Variants in ENPP2 observed in about 807,000 individuals in gnomAD.
The protein encoded by ENPP2 is ectonucleotide pyrophosphatase/phosphodiesterase 2, also known as autotaxin.
ENPP2 carries 51 observed loss-of-function variants against 120.2 expected under a neutral mutation model. The observed-to-expected ratio is 0.42, with a 90% CI of 0.34 to 0.54. The LOEUF is 0.54. ENPP2 is among the 20% of genes least tolerant of loss of function. The probability of loss-of-function intolerance (pLI) is 0.04; values close to 1 mark genes in which losing one functional copy is unlikely to be tolerated. For synonymous variants in ENPP2, 365 were observed against 366.4 expected (o/e 1.00, Z 0.04); for missense variants, 920 against 1,066.5 (o/e 0.86, Z 1.91).
intron 1 of ENPP2, among the ~76,000 whole-genome samples, chr8:119,644,587 AATATATATATATATAT>A (rs33966650): frequency 1.3e-4 from 8 of 59,982 alleles, no homozygotes; most frequent in Non-Finnish European, 1.6e-4. Flanking sequence ...AGATTACTAA[AATATATATATATATAT>A]ATATATATAT....
At chr8:119,562,792 T>C in intron 24 of ENPP2, 65 bp downstream of exon 24, 1 of 1,449,116 alleles carries the variant, frequency 6.9e-7, no homozygotes, top group South Asian at 1.2e-5. Flanking sequence ...ATGATGGAAA[T>C]ATAAAGTAAG....
intron 8 of ENPP2, among the ~76,000 whole-genome samples, chr8:119,615,225 T>C (rs1259262873): frequency 1.3e-5 from 2 of 152,088 alleles, no homozygotes; most frequent in Non-Finnish European, 2.9e-5. Context: ...CACAAAGTTC[T>C]CCCAGCCCTC....
rs144558263 is a variant in ENPP2 at position 119,601,949 on chromosome 8, GAGACA to G, written c.834-492_834-488del. On this transcript the variant is annotated intron_variant, in intron 9 of 24. Transcript: ENST00000075322. ...TACAGCTTGGTTGTAAGGATGAAATGAGACAAGACAAGGAAAGGGCATGTCCAGTG... is the reference window on the plus strand; with the variant it reads ...TACAGCTTGGTTGTAAGGATGAAATGAGACAAGGAAAGGGCATGTCCAGTG... 3.2e-4 allele frequency among the ~76,000 whole-genome samples: 48 copies of G among 152,326 alleles called. No individual in the cohort carries two copies. In the East Asian group the frequency reaches 9.1e-3, roughly 29 times the overall value.
chr8:119,563,546 G>A (rs1024145583), intron 23 of ENPP2, among the ~76,000 whole-genome samples: 3 of 152,158 alleles, frequency 2.0e-5, no homozygotes, highest in African/African-American at 7.2e-5. Flanking sequence ...ACAATGAGAT[G>A]CAGAACTTGA....
chr8:119,652,376 C>A (rs1817651693), intron 1 of ENPP2, among the ~76,000 whole-genome samples: 1 of 152,184 alleles, frequency 6.6e-6, no homozygotes, highest in Non-Finnish European at 1.5e-5. Flanking sequence ...AGGAAGTCAG[C>A]AGTTTGTTAA....
Position 119,569,341 on chromosome 8 carries a change from C to G in ENPP2, c.1947G>C (p.Leu649=), listed in dbSNP as rs747361874. The G allele has an allele frequency of 1.9e-6, 3 of 1,614,050 alleles. No individual in the cohort carries two copies. The highest frequency in any genetic ancestry group is 2.5e-6 in the Non-Finnish European group (3 of 1,180,028). Residue 649 remains leucine, a synonymous_variant, in exon 21 of 25, where the codon CTG becomes CTC. Transcript: ENST00000075322. ...QAEVSSVPDH[L]TSCVRPDVRV... is the part of the protein sequence containing the mutation. ...GGACATCAGGCCGGACGCAACTGGT[C>G]AGATGGTCAGGAACGCTGGAAACCT...
intron 2 of ENPP2, among the ~76,000 whole-genome samples, chr8:119,627,020 G>A (rs1451226738): frequency 6.6e-6 from 1 of 152,068 alleles, no homozygotes; most frequent in Non-Finnish European, 1.5e-5. Context: ...ACAAGTGTTG[G>A]TGATTTGTTC....
At chr8:119,586,968 G>A (rs1813155302) in intron 14 of ENPP2, 76 bp downstream of exon 14, 1 of 1,253,054 alleles carries the variant, frequency 8.0e-7, no homozygotes, top group Admixed American at 1.9e-5. Flanking sequence ...CGCCGGGGGA[G>A]GCACACACAG....
upstream of ENPP2, among the ~76,000 whole-genome samples, chr8:119,640,948 T>C (rs1817269372): frequency 6.6e-6 from 1 of 152,082 alleles, no homozygotes; most frequent in Non-Finnish European, 1.5e-5. Flanking sequence ...GGTTTCACCA[T>C]GTTGGTCAGG....
At chr8:119,625,493 G>C (rs575125724) in intron 3 of ENPP2, among the ~76,000 whole-genome samples, 285 of 152,266 alleles carry the variant, frequency 1.9e-3, no homozygotes, top group Admixed American at 3.9e-3. Flanking sequence ...GCAAAACACA[G>C]TAATAACTGT....
intron 3 of ENPP2, among the ~76,000 whole-genome samples, chr8:119,624,969 T>G (rs1816170828): frequency 6.6e-6 from 1 of 152,196 alleles, no homozygotes; most frequent in South Asian, 2.1e-4. Context: ...AAATGGACTA[T>G]AAGATATTAT....
chr8:119,568,390 T>C (rs1814660350), intron 21 of ENPP2, 138 bp from the exon 22 acceptor site: 1 of 617,740 alleles, frequency 1.6e-6, no homozygotes, highest in Non-Finnish European at 2.9e-6. Flanking sequence ...TTATTCCTAC[T>C]CCTAACTGCG....
At chr8:119,622,128 C>T (rs1213651863) in intron 3 of ENPP2, among the ~76,000 whole-genome samples, 3 of 152,100 alleles carry the variant, frequency 2.0e-5, no homozygotes, top group Non-Finnish European at 4.4e-5. Context: ...GGGGTTTCAC[C>T]ATGGTGGCCA....
chr8:119,617,145 C>T lies in ENPP2; in HGVS notation c.657+19G>A, dbSNP rs766149479. On this transcript the variant is annotated intron_variant, in intron 7 of 24. Transcript: ENST00000075322. Reference sequence around the variant, plus strand: ...TGAAATCAGCCCTTTGAATGTGTATCATTCGAAAAAATACTTACAGTGGCC... The same window carrying T: ...TGAAATCAGCCCTTTGAATGTGTATTATTCGAAAAAATACTTACAGTGGCC... The T allele has an allele frequency of 6.6e-7, 1 of 1,510,394 alleles. No homozygotes were observed. The highest frequency in any genetic ancestry group is 1.7e-5 in the Admixed American group (1 of 59,866). 93.6% of individuals were successfully genotyped at this position (1,510,394 alleles called of 1,614,324 possible). A position where few individuals can be genotyped will look rare whatever the true frequency, so the allele number is the denominator to read the frequency against.
chr8:119,653,293 C>A (rs1005116567), intron 1 of ENPP2, among the ~76,000 whole-genome samples: 2 of 152,170 alleles, frequency 1.3e-5, no homozygotes, highest in African/African-American at 2.4e-5. Context: ...ATACGTCAAG[C>A]ATTGAGGATG....
Position 119,645,773 on chromosome 8 carries a change from C to G in ENPP2, c.22-7246G>C, listed in dbSNP as rs575827155. Reference sequence around the variant, plus strand: ...GAGGTTGAGCTGAGCTGAGATCGCACCATTGCACTCCAGCCTAGGCAACAG... The same window carrying G: ...GAGGTTGAGCTGAGCTGAGATCGCAGCATTGCACTCCAGCCTAGGCAACAG... On this transcript the variant is annotated intron_variant, in intron 1 of 25. Transcript: ENST00000427067. Among the ~76,000 whole-genome samples the G allele has an allele frequency of 3.4e-3, 511 of 150,684 alleles. 5 individuals are homozygous for G. Among genetic ancestry groups the G allele is most frequent in the Middle Eastern group, 0.01 (3 of 290 alleles).
chr8:119,644,681 T>C (rs180739446), intron 1 of ENPP2, among the ~76,000 whole-genome samples: 71 of 143,424 alleles, frequency 5.0e-4, no homozygotes, highest in Middle Eastern at 3.7e-3. Flanking sequence ...CACACACACA[T>C]ATATATATAC....
At chr8:119,595,886 A>T in intron 11 of ENPP2, 3 of 1,613,938 alleles carry the variant, frequency 1.9e-6, no homozygotes, top group Non-Finnish European at 2.5e-6. Flanking sequence ...GATCCATCCT[A>T]TGTATTTTTC....
intron 19 of ENPP2, among the ~76,000 whole-genome samples, chr8:119,579,377 G>C (rs1587374246): frequency 2.6e-5 from 4 of 152,154 alleles, no homozygotes; most frequent in Admixed American, 2.6e-4. Context: ...AAAAGCAGAA[G>C]CATTAAGACA....
Sources: gnomAD v4.1 joint callset for allele counts (sites outside exome capture counted in the v4.1 genomes callset) on GRCh38, gnomAD v4.1.1 for gene constraint, MANE v1.5 for transcripts, NCBI Gene and HGNC (gene_info 2026-07-23, HGNC 2026-07-21) for gene names.